SPIRE1: variants seen among roughly 807,000 people sequenced by gnomAD.
The protein encoded by SPIRE1 is protein spire homolog 1.
In SPIRE1, 40 loss-of-function variants were observed where a neutral mutation model predicts 94.1. The ratio of observed to expected loss-of-function variants is 0.43; its 90% CI spans 0.33 to 0.55. The LOEUF (loss-of-function observed/expected upper bound fraction) is 0.55, where lower values mean the gene tolerates loss of function less well. Ranked by LOEUF, SPIRE1 falls within the 20% of genes least tolerant of loss-of-function variation. The pLI is 0.06. For synonymous variants in SPIRE1, 376 were observed against 371.7 expected (o/e 1.01, Z -0.13); for missense variants, 838 against 975.2 (o/e 0.86, Z 1.87).
chr18:12,629,632 G>A (rs977514088), intron 2 of SPIRE1, among the ~76,000 whole-genome samples: 8 of 152,054 alleles, frequency 5.3e-5, no homozygotes, highest in Admixed American at 5.2e-4. Context: ...GGAGGGGCAG[G>A]GCTAACTACA....
In SPIRE1 at chr18:12,549,439, G is replaced by GGT. The variant is rs2035275774; in HGVS notation, c.373-2536_373-2535insAC. On this transcript the variant is annotated intron_variant, in intron 2 of 16. Coordinates refer to ENST00000409402, the MANE Select transcript of SPIRE1 (RefSeq NM_001128626.2). ...CTTTTTGTTTGTTTTTGTTATTGTT[G>GGT]TTTTTTTTTTTTTTTTTTTTTTTTT... Among the ~76,000 whole-genome samples the GGT allele has an allele frequency of 5.1e-4, 21 of 41,248 alleles. 1 individual carries two copies. The highest frequency in any genetic ancestry group is 7.9e-4 in the Admixed American group (2 of 2,540). The allele number at this position is 41,248 out of a possible 152,430, so 27.1% of individuals were successfully genotyped here.
chr18:12,575,196 C>G (rs2036061555), intron 2 of SPIRE1, among the ~76,000 whole-genome samples: 1 of 151,754 alleles, frequency 6.6e-6, no homozygotes, highest in African/African-American at 2.4e-5. Context: ...AGACAGGGAT[C>G]AAAGTTACTG....
chr18:12,601,288 T>C (rs1046322239), intron 2 of SPIRE1, among the ~76,000 whole-genome samples: 1 of 147,600 alleles, frequency 6.8e-6, no homozygotes, highest in Non-Finnish European at 1.5e-5. Context: ...TCAGGCATGG[T>C]GGGGGGCACC....
At chr18:12,484,041 T>C (rs1348570509) in intron 9 of SPIRE1, among the ~76,000 whole-genome samples, 3 of 152,198 alleles carry the variant, frequency 2.0e-5, no homozygotes, top group Non-Finnish European at 2.9e-5. Flanking sequence ...GAGTTTTCTT[T>C]CCAAACAGAA....
intron 6 of SPIRE1, among the ~76,000 whole-genome samples, chr18:12,502,291 G>A (rs1193490530): frequency 6.6e-6 from 1 of 152,066 alleles, no homozygotes; most frequent in Non-Finnish European, 1.5e-5. Context: ...AAAAGATTTA[G>A]CAATATCAAA....
chr18:12,566,563 C>T (rs187577958), intron 2 of SPIRE1, among the ~76,000 whole-genome samples: 20 of 152,042 alleles, frequency 1.3e-4, no homozygotes, highest in Admixed American at 7.9e-4. Flanking sequence ...ATATCTTATT[C>T]GGGATTATTT....
At chr18:12,482,525 C>T (rs1452510747) in intron 9 of SPIRE1, among the ~76,000 whole-genome samples, 1 of 152,050 alleles carries the variant, frequency 6.6e-6, no homozygotes, top group East Asian at 1.9e-4. Flanking sequence ...TTTTAAGATC[C>T]ATGATTTTAT....
intron 2 of SPIRE1, among the ~76,000 whole-genome samples, chr18:12,553,504 G>A (rs1299087198): frequency 1.3e-5 from 2 of 152,186 alleles, no homozygotes; most frequent in Non-Finnish European, 2.9e-5. Context: ...TGGAAGAGGC[G>A]AGGGAAGAGT....
intron 6 of SPIRE1, among the ~76,000 whole-genome samples, chr18:12,498,946 T>C (rs543134880): frequency 1.3e-5 from 2 of 152,328 alleles, no homozygotes; most frequent in South Asian, 4.2e-4. Context: ...TTTATTTTTA[T>C]GGAGATGGGG....
intron 2 of SPIRE1, among the ~76,000 whole-genome samples, chr18:12,622,024 T>A (rs558872930): frequency 1.3e-5 from 2 of 152,312 alleles, no homozygotes; most frequent in East Asian, 3.9e-4. Context: ...CATACTGAAC[T>A]GCAGAAGCTC....
At chr18:12,621,422 A>G (rs189616496) in intron 2 of SPIRE1, among the ~76,000 whole-genome samples, 10 of 152,350 alleles carry the variant, frequency 6.6e-5, no homozygotes, top group African/African-American at 2.4e-4. Flanking sequence ...TTTGTACATG[A>G]AAGTTTATAG....
At chr18:12,536,786 G>A (rs1214482879) in intron 3 of SPIRE1, among the ~76,000 whole-genome samples, 1 of 152,080 alleles carries the variant, frequency 6.6e-6, no homozygotes, top group Non-Finnish European at 1.5e-5. Context: ...CCCATACACA[G>A]GAATAATTTT....
intron 6 of SPIRE1, among the ~76,000 whole-genome samples, chr18:12,497,950 C>T (rs2033519794): frequency 6.6e-6 from 1 of 152,168 alleles, no homozygotes; most frequent in Non-Finnish European, 1.5e-5. Context: ...TAGTCAGAAG[C>T]TGTATCCTGG....
chr18:12,586,730 C>T (rs960808825), intron 2 of SPIRE1, among the ~76,000 whole-genome samples: 2 of 152,088 alleles, frequency 1.3e-5, no homozygotes, highest in African/African-American at 4.8e-5. Flanking sequence ...AACTGTTTCT[C>T]ATTTATAAGA....
At chr18:12,548,425 C>G (rs2035234606) in intron 2 of SPIRE1, among the ~76,000 whole-genome samples, 1 of 152,168 alleles carries the variant, frequency 6.6e-6, no homozygotes, top group Non-Finnish European at 1.5e-5. Context: ...AATCTGAAAT[C>G]TACTTTACCA....
chr18:12,644,830 T>C (rs1010723298), intron 1 of SPIRE1, among the ~76,000 whole-genome samples: 8 of 152,216 alleles, frequency 5.3e-5, no homozygotes, highest in African/African-American at 1.9e-4. Flanking sequence ...TCAGTAAAAA[T>C]GTATTTGTGC....
chr18:12,596,554 T>C (rs937243610), intron 2 of SPIRE1, among the ~76,000 whole-genome samples: 5 of 152,164 alleles, frequency 3.3e-5, no homozygotes, highest in Non-Finnish European at 5.9e-5. Context: ...GTAGGCCACA[T>C]AAGTAATTGT....
chr18:12,626,887 T>TATATATATATATATATATA (rs1555634099), intron 2 of SPIRE1, among the ~76,000 whole-genome samples: 2 of 53,518 alleles, frequency 3.7e-5, no homozygotes, highest in Non-Finnish European at 9.7e-5. Flanking sequence ...TATATATATA[T>TATATATATATATATATATA]TTTTTTTTTT....
At chr18:12,623,098 A>G (rs1202495600) in intron 2 of SPIRE1, among the ~76,000 whole-genome samples, 1 of 127,046 alleles carries the variant, frequency 7.9e-6, no homozygotes, top group Non-Finnish European at 1.8e-5. Context: ...GCAGTAGGGT[A>G]TGAAGTGATT....
Sources: gnomAD v4.1 joint callset for allele counts (sites outside exome capture counted in the v4.1 genomes callset) on GRCh38, gnomAD v4.1.1 for gene constraint, MANE v1.5 for transcripts, NCBI Gene and HGNC (gene_info 2026-07-23, HGNC 2026-07-21) for gene names.